The following G2E3 variants were observed in gnomAD, a reference collection of about 807,000 sequenced individuals.
The protein encoded by G2E3 is G2/M-phase specific E3 ubiquitin protein ligase.
A neutral mutation model predicts 92.8 loss-of-function variants in G2E3; 35 were observed. The ratio of observed to expected loss-of-function variants is 0.38; its 90% CI spans 0.29 to 0.50. The LOEUF is 0.50. G2E3 is among the 20% of genes least tolerant of loss of function. G2E3 has a pLI of 0.94. For missense variants in G2E3, 554 were observed against 823.8 expected, an observed-to-expected ratio of 0.67 and a Z score of 4.01; for synonymous variants, 242 against 272.4, an observed-to-expected ratio of 0.89 and a Z score of 1.10.
chr14:30,599,943 CTT>C (rs934143669), intron 8 of G2E3, among the ~76,000 whole-genome samples: 28 of 152,082 alleles, frequency 1.8e-4, no homozygotes, highest in South Asian at 1.0e-3. Flanking sequence ...ATTGATTACT[CTT>C]TTGTAATGTC....
At chr14:30,582,437 G>A (rs762206212) in intron 2 of G2E3, among the ~76,000 whole-genome samples, 1 of 152,172 alleles carries the variant, frequency 6.6e-6, no homozygotes. Flanking sequence ...TGGGTAGAGG[G>A]AGACAAGGGG....
intron 2 of G2E3, among the ~76,000 whole-genome samples, chr14:30,582,742 G>C (rs1880502323): frequency 6.6e-6 from 1 of 152,206 alleles, no homozygotes; most frequent in Non-Finnish European, 1.5e-5. Flanking sequence ...TTGTATGGAA[G>C]GGAAGGAAGA....
At chr14:30,584,937 T>A (rs992407519) in intron 2 of G2E3, among the ~76,000 whole-genome samples, 1 of 149,466 alleles carries the variant, frequency 6.7e-6, no homozygotes, top group Non-Finnish European at 1.5e-5. Flanking sequence ...GTTCAAGCAA[T>A]TCTTCTTCCT....
chr14:30,561,951 A>G (rs182247789), intron 1 of G2E3, among the ~76,000 whole-genome samples: 5 of 152,244 alleles, frequency 3.3e-5, no homozygotes, highest in Admixed American at 2.6e-4. Context: ...AAACTATGGA[A>G]AAATAAGTAT....
Position 30,590,612 on chromosome 14 carries a change from C to T in G2E3, c.237+1128C>T. On this transcript the variant is annotated intron_variant, in intron 4 of 14. Transcript: ENST00000206595. ...GGGAAGCACATAAGAAACATTTATTCTTTTAGTTGAGGCAAAGAAGTGGAG... is the reference window on the plus strand; with the variant it reads ...GGGAAGCACATAAGAAACATTTATTTTTTTAGTTGAGGCAAAGAAGTGGAG... 2 of 453,656 alleles carry T rather than the reference C, an allele frequency of 4.4e-6. 1 individual carries two copies. The highest frequency in any genetic ancestry group is 3.1e-5 in the South Asian group (2 of 64,260). 28.1% of individuals were successfully genotyped at this position (453,656 alleles called of 1,614,324 possible). A position where few individuals can be genotyped will look rare whatever the true frequency, so the allele number is the denominator to read the frequency against.
chr14:30,576,201 C>T (rs560967232), intron 1 of G2E3, among the ~76,000 whole-genome samples: 1 of 152,160 alleles, frequency 6.6e-6, no homozygotes, highest in East Asian at 1.9e-4. Flanking sequence ...ATACAGAGCC[C>T]AGAAATGAGG....
intron 11 of G2E3, among the ~76,000 whole-genome samples, chr14:30,607,574 CT>C (rs1881889908): frequency 6.6e-6 from 1 of 152,090 alleles, no homozygotes; most frequent in African/African-American, 2.4e-5. Flanking sequence ...TAGGGACCAC[CT>C]TAGTGTATTT....
chr14:30,602,882 G>T (rs1450267232), intron 10 of G2E3: 3 of 152,186 alleles, frequency 2.0e-5, no homozygotes, highest in Non-Finnish European at 4.4e-5. Context: ...AAAATGTTGG[G>T]ATTACAGGTG....
At chr14:30,576,329 G>T (rs1880087856) in intron 1 of G2E3, among the ~76,000 whole-genome samples, 1 of 152,196 alleles carries the variant, frequency 6.6e-6, no homozygotes, top group South Asian at 2.1e-4. Flanking sequence ...GCAGAAGATT[G>T]AAGCTGGACC....
chr14:30,612,225 G>T lies in G2E3; in HGVS notation c.1519G>T (p.Val507Leu). The stretch of plus-strand genomic sequence containing the variant: ...ATTACAGATAAATACTGCAACAACT[G>T]TAGCTGACTTAAAGTCAATAATAAA... ...IIIRINTATT[V>L]ADLKSIINEC... Residue 507 changes from valine (V) to leucine (L), a missense_variant, in exon 13 of 15, where the codon GTA (valine) becomes TTA (leucine). Val to Leu is a conservative substitution (Grantham distance 32, BLOSUM62 1). Transcript: ENST00000206595. The T allele has an allele frequency of 6.2e-7, 1 of 1,610,754 alleles. No homozygotes were observed. The highest frequency in any genetic ancestry group is 1.1e-5 in the South Asian group (1 of 90,788).
intron 1 of G2E3, among the ~76,000 whole-genome samples, chr14:30,572,810 C>A (rs1345168382): frequency 6.6e-6 from 1 of 151,756 alleles, no homozygotes; most frequent in Non-Finnish European, 1.5e-5. Context: ...CTAATTCTTA[C>A]AATAACCTGT....
chr14:30,604,606 G>A (rs1194401699), intron 10 of G2E3, among the ~76,000 whole-genome samples: 6 of 151,038 alleles, frequency 4.0e-5, no homozygotes, highest in African/African-American at 2.5e-5. Context: ...GCTGCTGCTG[G>A]TCTGGGAGCA....
intron 1 of G2E3, among the ~76,000 whole-genome samples, chr14:30,567,532 T>C (rs1464074050): frequency 6.6e-6 from 1 of 152,038 alleles, no homozygotes; most frequent in Non-Finnish European, 1.5e-5. Context: ...GTAATTTGAG[T>C]CTTCTCTTTT....
chr14:30,585,564 T>C (rs944184820), intron 2 of G2E3, among the ~76,000 whole-genome samples: 1 of 152,036 alleles, frequency 6.6e-6, no homozygotes, highest in Non-Finnish European at 1.5e-5. Context: ...AGTTTTGTTG[T>C]AAGTTTTTAA....
intron 1 of G2E3, among the ~76,000 whole-genome samples, chr14:30,561,417 C>A (rs1247590592): frequency 6.6e-6 from 1 of 152,154 alleles, no homozygotes; most frequent in African/African-American, 2.4e-5. Flanking sequence ...CATTGTCTAC[C>A]ATATATAATT....
intron 1 of G2E3, among the ~76,000 whole-genome samples, chr14:30,564,723 A>G (rs1879331124): frequency 2.0e-5 from 3 of 152,214 alleles, no homozygotes; most frequent in African/African-American, 7.2e-5. Flanking sequence ...CAAAACATGT[A>G]ACCTTTTATG....
Position 30,575,682 on chromosome 14 carries a change from A to G in G2E3, c.-4-5394A>G, listed in dbSNP as rs899281893. The stretch of plus-strand genomic sequence containing the variant: ...AACTTCAGCAAAGTTGCAGGATGCA[A>G]AATCAACATACAAAATTCACTAGCA... On this transcript the variant is annotated intron_variant, in intron 1 of 14. Coordinates refer to ENST00000206595, the MANE Select transcript of G2E3 (RefSeq NM_017769.5). Among the ~76,000 whole-genome samples, 8 of 152,362 alleles carry G rather than the reference A, an allele frequency of 5.3e-5. No homozygotes were observed. In the South Asian group the frequency reaches 1.7e-3, roughly 32 times the overall value.
At chr14:30,580,867 A>G in intron 1 of G2E3, 3 of 487,388 alleles carry the variant, frequency 6.2e-6, no homozygotes, top group Non-Finnish European at 1.1e-5. Context: ...TTGACAGCTA[A>G]AAAACATTCC....
At chr14:30,599,878 C>A (rs1881480614) in intron 8 of G2E3, among the ~76,000 whole-genome samples, 1 of 152,094 alleles carries the variant, frequency 6.6e-6, no homozygotes, top group Non-Finnish European at 1.5e-5. Flanking sequence ...TAACTAGATT[C>A]ATCTAGCACT....
Sources: allele counts gnomAD v4.1 joint callset (sites outside exome capture counted in the v4.1 genomes callset), GRCh38; gene constraint gnomAD v4.1.1; transcripts MANE v1.5; gene names NCBI Gene and HGNC (gene_info 2026-07-23, HGNC 2026-07-21).